The following ITLN2 variants were observed in gnomAD, a reference collection of about 807,000 sequenced individuals.
ITLN2 encodes the protein intelectin 2.
Under a neutral mutation model 39.4 loss-of-function variants are expected in ITLN2, and 29 were observed. That is an observed-to-expected ratio of 0.74 (90% CI 0.55 to 1.00). The LOEUF is 1.00. Ranked by LOEUF, ITLN2 falls within the 50% of genes least tolerant of loss-of-function variation. The pLI is 0.00. For synonymous variants in ITLN2, 156 were observed against 153.4 expected (o/e 1.02, Z -0.12); for missense variants, 412 against 416.7 (o/e 0.99, Z 0.10).
intron 6 of ITLN2, chr1:160,949,684 C>T: frequency 5.2e-6 from 1 of 193,230 alleles, no homozygotes; most frequent in Non-Finnish European, 1.1e-5. Flanking sequence ...TTAACAGCAT[C>T]TCAAGGCAGA....
chr1:160,952,804 C>T, intron 2 of ITLN2, 71 bp from the exon 3 acceptor site: 4 of 1,117,204 alleles, frequency 3.6e-6, no homozygotes, highest in Non-Finnish European at 5.4e-6. Context: ...CAATCTCTGC[C>T]CCTGTATCAA....
chr1:160,954,399 C>A lies in ITLN2; in HGVS notation c.67G>T (p.Gly23Trp). 1 of 1,574,876 alleles carries A rather than the reference C, an allele frequency of 6.3e-7. No individual in the cohort carries two copies. The highest frequency in any genetic ancestry group is 1.2e-5 in the South Asian group (1 of 85,778). The change falls in exon 2 of 8, where the codon GGG (glycine) becomes TGG (tryptophan). Residue 23 changes from glycine (G) to tryptophan (W), a missense_variant. Gly to Trp is a radical substitution (Grantham distance 184). Transcript: ENST00000368029. The stretch of plus-strand genomic sequence containing the variant: ...AGAAGCCATTTACCTGCACTGCACC[C>A]ACTGGTGGCCACAGAGAAGAATAAC... Reference protein sequence around the residue: ...FLLFFSVATSGCSAAAASSLE... With the variant: ...FLLFFSVATSWCSAAAASSLE...
intron 7 of ITLN2, among the ~76,000 whole-genome samples, chr1:160,947,614 G>T (rs1671636031): frequency 6.6e-6 from 1 of 152,200 alleles, no homozygotes; most frequent in East Asian, 1.9e-4. Flanking sequence ...GCAGTGCATT[G>T]TGTCCCTGGT....
Position 160,945,283 on chromosome 1 carries a change from C to A in ITLN2, c.835G>T (p.Gly279Cys). The A allele has an allele frequency of 1.9e-6, 3 of 1,562,508 alleles. No individual in the cohort carries two copies. Among genetic ancestry groups the A allele is most frequent in the Non-Finnish European group, 2.6e-6 (3 of 1,164,704 alleles). ...TGCNTEHHCI[G>C]GGGFFPQGKP... ...CCCTGTGGGAAGAACCCTCCTCCACCGATGCAGTGCTGGGAAACAGAAAGA... is the reference window on the plus strand; with the variant it reads ...CCCTGTGGGAAGAACCCTCCTCCACAGATGCAGTGCTGGGAAACAGAAAGA... Residue 279 changes from glycine (G) to cysteine (C), a missense_variant, in exon 8 of 8, where the codon GGT becomes TGT. Physicochemically the swap from Gly to Cys is radical, Grantham distance 159. Coordinates refer to ENST00000368029, the MANE Select transcript of ITLN2 (RefSeq NM_080878.3).
intron 6 of ITLN2, 160 bp downstream of exon 6, chr1:160,949,886 G>A (rs1314760419): frequency 1.6e-6 from 1 of 637,708 alleles, no homozygotes; most frequent in Non-Finnish European, 2.6e-6. Context: ...TTTTCTCATG[G>A]TAATTAAATG....
At chr1:160,946,553 T>C (rs1232482986) in intron 7 of ITLN2, among the ~76,000 whole-genome samples, 1 of 149,974 alleles carries the variant, frequency 6.7e-6, no homozygotes, top group Non-Finnish European at 1.5e-5. Context: ...CTACTAAAAA[T>C]ACAAAAAAAA....
In ITLN2 at chr1:160,951,320, T is replaced by C. The variant is rs202058289; in HGVS notation, c.194-30A>G. 1,764 of 1,542,510 alleles carry C rather than the reference T, an allele frequency of 1.1e-3. 1 individual carries two copies. The highest frequency in any genetic ancestry group is 1.4e-3 in the Non-Finnish European group (1,613 of 1,143,424). ...AGAGAGAACCAGCCCAGAGCCTCCCTGTCTGAGAGCTCAGGGTTCATCTCA... is the reference window on the plus strand; with the variant it reads ...AGAGAGAACCAGCCCAGAGCCTCCCCGTCTGAGAGCTCAGGGTTCATCTCA... On this transcript the variant is annotated intron_variant, in intron 3 of 7. Transcript: ENST00000368029.
intron 2 of ITLN2, among the ~76,000 whole-genome samples, chr1:160,953,580 G>A (rs1163265354): frequency 2.0e-5 from 3 of 152,044 alleles, no homozygotes; most frequent in African/African-American, 4.8e-5. Flanking sequence ...GTGTGGTGGT[G>A]CACACCTGTA....
chr1:160,948,105 C>G lies in ITLN2; in HGVS notation c.722-73G>C, dbSNP rs796873340. ...TAGAAGCAGCATCCCATTGGCCAGT[C>G]CAGGGATTCCCTAAGCCAAAAGCTG... On this transcript the variant is annotated intron_variant, in intron 6 of 7. Transcript: ENST00000368029. 9.5e-6 allele frequency: 12 copies of G among 1,257,088 alleles called. No individual in the cohort carries two copies. In the African/African-American group the frequency reaches 1.5e-4, roughly 15 times the overall value. The allele number at this position is 1,257,088 out of a possible 1,614,324, so 77.9% of individuals were successfully genotyped here. A position where few individuals can be genotyped will look rare whatever the true frequency, so the allele number is the denominator to read the frequency against.
In ITLN2 at chr1:160,950,235, G is replaced by T. The variant is rs1557874092; in HGVS notation, c.601-69C>A. ...GCTGCCACAGTGTGGGGGGAGGAGG[G>T]GTTTCAAATTAACTGCCATTACCCA... On this transcript the variant is annotated intron_variant, in intron 5 of 7. Coordinates refer to ENST00000368029, the MANE Select transcript of ITLN2 (RefSeq NM_080878.3). 2.7e-5 allele frequency: 42 copies of T among 1,544,158 alleles called. No individual in the cohort carries two copies. In the South Asian group the frequency reaches 4.6e-4, roughly 17 times the overall value.
intron 5 of ITLN2, 22 bp downstream of exon 5, chr1:160,950,531 C>G (rs371512881): frequency 1.9e-6 from 3 of 1,609,392 alleles, no homozygotes; most frequent in Admixed American, 3.3e-5. Context: ...GAAAGTGCCC[C>G]CCAGCCAGCA....
chr1:160,948,835 G>C (rs1010085060), intron 6 of ITLN2: 2 of 152,116 alleles, frequency 1.3e-5, no homozygotes, highest in African/African-American at 4.8e-5. Flanking sequence ...TGAAGGGGTG[G>C]CCTGCCCCTC....
At chr1:160,946,437 C>T (rs1671602372) in intron 7 of ITLN2, among the ~76,000 whole-genome samples, 1 of 152,072 alleles carries the variant, frequency 6.6e-6, no homozygotes, top group Admixed American at 6.6e-5. Context: ...TCAGGCTGGG[C>T]GTGGTGGCTC....
Position 160,947,874 on chromosome 1 carries a change from C to G in ITLN2, c.825+55G>C, listed in dbSNP as rs183548678. On this transcript the variant is annotated intron_variant, in intron 7 of 7. Coordinates refer to ENST00000368029, the MANE Select transcript of ITLN2 (RefSeq NM_080878.3). ...TTTTCTACATAGACACAGTAACAAT[C>G]TGATCTCTCTTTCTTTTCCCCACAC... is the stretch of plus-strand genomic sequence containing the variant. The G allele has an allele frequency of 1.7e-4, 200 of 1,177,922 alleles. No homozygotes were observed. In the African/African-American group the frequency reaches 2.6e-3, roughly 15 times the overall value. The allele number at this position is 1,177,922 out of a possible 1,614,324, so 73.0% of individuals were successfully genotyped here.
At chr1:160,954,600 G>C (rs972567377) in intron 1 of ITLN2, 127 bp downstream of exon 1, 109 of 1,265,864 alleles carry the variant, frequency 8.6e-5, no homozygotes, top group Middle Eastern at 1.8e-4. Flanking sequence ...TATGCCCCAC[G>C]GCTGTCCAAC....
chr1:160,953,382 T>C (rs1671788734), intron 2 of ITLN2, among the ~76,000 whole-genome samples: 1 of 152,164 alleles, frequency 6.6e-6, no homozygotes, highest in Non-Finnish European at 1.5e-5. Flanking sequence ...CTAGAAATCA[T>C]TCCAAAAGCC....
intron 7 of ITLN2, among the ~76,000 whole-genome samples, chr1:160,945,630 C>A (rs1039303934): frequency 6.6e-6 from 1 of 152,206 alleles, no homozygotes. Flanking sequence ...CTGCGAGTCC[C>A]TCCATGAGAG....
In ITLN2 at chr1:160,945,302, A is replaced by G; in HGVS notation, c.826-10T>C. The G allele has an allele frequency of 2.6e-6, 4 of 1,538,216 alleles. No homozygotes were observed. Among genetic ancestry groups the G allele is most frequent in the Non-Finnish European group, 3.5e-6 (4 of 1,152,924 alleles). ...CTCCACCGATGCAGTGCTGGGAAAC[A>G]GAAAGAAGAAACACTGTGAGGAATT... On this transcript the variant is annotated splice_polypyrimidine_tract_variant and intron_variant, in intron 7 of 7. Coordinates refer to ENST00000368029, the MANE Select transcript of ITLN2 (RefSeq NM_080878.3).
Position 160,948,038 on chromosome 1 carries a change from AAAG to A in ITLN2, c.722-9_722-7del, listed in dbSNP as rs1211834341. ...GAATCCTGCAACAAATTCCCCTGAA[AAAG>A]AAGAGGTGAAGAAACAGCCAAGTAG... is the stretch of plus-strand genomic sequence containing the variant. On this transcript the variant is annotated splice_polypyrimidine_tract_variant and splice_region_variant and intron_variant, in intron 6 of 7. Coordinates refer to ENST00000368029, the MANE Select transcript of ITLN2 (RefSeq NM_080878.3). 1.2e-6 allele frequency: 2 copies of A among 1,612,180 alleles called. No individual in the cohort carries two copies. The highest frequency in any genetic ancestry group is 3.3e-5 in the Admixed American group (2 of 60,000).
Sources: allele counts gnomAD v4.1 joint callset (sites outside exome capture counted in the v4.1 genomes callset), GRCh38; gene constraint gnomAD v4.1.1; transcripts MANE v1.5; gene names NCBI Gene and HGNC (gene_info 2026-07-23, HGNC 2026-07-21).